The following OSBPL10 variants were observed in gnomAD, a reference collection of about 807,000 sequenced individuals.
OSBPL10 encodes oxysterol binding protein like 10.
A neutral mutation model predicts 81.7 loss-of-function variants in OSBPL10; 49 were observed. The ratio of observed to expected loss-of-function variants is 0.60; its 90% CI spans 0.48 to 0.76. The LOEUF is 0.76. Ranked by LOEUF, OSBPL10 falls within the 30% of genes least tolerant of loss-of-function variation. The pLI, the probability that OSBPL10 is intolerant of heterozygous loss-of-function variation, is 0.00. For synonymous variants in OSBPL10, 419 were observed against 383.6 expected (o/e 1.09, Z -1.08); for missense variants, 923 against 987.8 (o/e 0.93, Z 0.88).
intron 6 of OSBPL10, chr3:31,732,691 C>T (rs1194913776): frequency 6.5e-6 from 1 of 152,804 alleles, no homozygotes. Flanking sequence ...GTCCATGAAG[C>T]CTGTTGGAGC....
chr3:31,683,862 G>T lies in OSBPL10; in HGVS notation c.1498C>A (p.Pro500Thr). 1 of 1,614,222 alleles carries T rather than the reference G, an allele frequency of 6.2e-7. No homozygotes were observed. Among genetic ancestry groups the T allele is most frequent in the African/African-American group, 1.3e-5 (1 of 75,046 alleles). ...SWEVPKDRVK[P>T]KRTASRSPAS... ...GGAGAGCGGGAAGCAGTCCTCTTAG[G>T]CTTGACCCTGTCCTTGGGAACTTCC... Residue 500 changes from proline (P) to threonine (T), a missense_variant, in exon 8 of 12, where the codon CCT (proline) becomes ACT (threonine). Pro to Thr is a conservative substitution (Grantham distance 38). Transcript: ENST00000396556.
chr3:31,747,862 C>T, intron 5 of OSBPL10, 48 bp downstream of exon 5: 1 of 1,550,170 alleles, frequency 6.5e-7, no homozygotes, highest in Non-Finnish European at 8.9e-7. Flanking sequence ...GACACAGACA[C>T]AGTGTGTGTA....
At chr3:31,748,150 AG>A in intron 4 of OSBPL10, 30 bp from the exon 5 acceptor site, 5 of 1,578,504 alleles carry the variant, frequency 3.2e-6, no homozygotes, top group Non-Finnish European at 4.3e-6. Context: ...TAAGGAGGTG[AG>A]GGGCGGAAGT....
chr3:31,972,819 A>G (rs1165414178), intron 1 of OSBPL10, among the ~76,000 whole-genome samples: 1 of 152,228 alleles, frequency 6.6e-6, no homozygotes, highest in Non-Finnish European at 1.5e-5. Context: ...TAAACCACAC[A>G]AAAACATAAA....
At chr3:31,918,969 T>C (rs1222373264) in intron 1 of OSBPL10, among the ~76,000 whole-genome samples, 1 of 152,206 alleles carries the variant, frequency 6.6e-6, no homozygotes, top group Non-Finnish European at 1.5e-5. Context: ...CTTCACAGCA[T>C]GAGGCACTCA....
chr3:31,688,283 T>TCTCTCACACA (rs1246299416), intron 7 of OSBPL10, among the ~76,000 whole-genome samples: 9 of 115,482 alleles, frequency 7.8e-5, no homozygotes, highest in South Asian at 3.3e-4. Context: ...TCTCTCTCTC[T>TCTCTCACACA]CACACACACA....
chr3:32,007,172 T>G (rs1019938594), intron 2 of OSBPL10, among the ~76,000 whole-genome samples: 2 of 152,180 alleles, frequency 1.3e-5, no homozygotes, highest in African/African-American at 4.8e-5. Context: ...ATGATGAAAT[T>G]TTTGTTTTTA....
At chr3:31,669,108 G>A (rs1700265608) in intron 9 of OSBPL10, among the ~76,000 whole-genome samples, 1 of 152,082 alleles carries the variant, frequency 6.6e-6, no homozygotes, top group Non-Finnish European at 1.5e-5. Context: ...AGATATCACT[G>A]GGATGAAAAT....
At chr3:31,854,025 C>T (rs1336207773) in intron 3 of OSBPL10, among the ~76,000 whole-genome samples, 1 of 152,158 alleles carries the variant, frequency 6.6e-6, no homozygotes, top group Non-Finnish European at 1.5e-5. Flanking sequence ...CTGCGCCTGG[C>T]ATTTTGATCA....
intron 9 of OSBPL10, among the ~76,000 whole-genome samples, chr3:31,669,343 AG>A (rs1172348942): frequency 6.6e-6 from 1 of 152,228 alleles, no homozygotes; most frequent in African/African-American, 2.4e-5. Flanking sequence ...TCTCCAAAAT[AG>A]TATCTAATAA....
intron 3 of OSBPL10, among the ~76,000 whole-genome samples, chr3:31,838,334 C>A (rs939344562): frequency 6.6e-6 from 1 of 151,964 alleles, no homozygotes; most frequent in African/African-American, 2.4e-5. Flanking sequence ...CACGGTGAAA[C>A]CCCGTCTTTA....
At chr3:31,790,932 C>T (rs1698993513) in intron 4 of OSBPL10, among the ~76,000 whole-genome samples, 1 of 152,142 alleles carries the variant, frequency 6.6e-6, no homozygotes, top group Non-Finnish European at 1.5e-5. Context: ...TAATGTTCTC[C>T]CCCAAATGTA....
chr3:31,668,976 G>T, intron 9 of OSBPL10, 152 bp from the exon 10 acceptor site: 1 of 602,602 alleles, frequency 1.7e-6, no homozygotes. Flanking sequence ...GCTCTTAAAA[G>T]ATGATCTAAT....
Position 31,729,070 on chromosome 3 carries a change from CTTTGA to C in OSBPL10, c.1095+4182_1095+4186del, listed in dbSNP as rs1191506432. ...AATTAGATTTGGATTAGGGATACTA[CTTTGA>C]TTTGTTAAAACTGAGAACCTTGCAT... On this transcript the variant is annotated intron_variant, in intron 6 of 11. Transcript: ENST00000396556. 1.1e-4 allele frequency among the ~76,000 whole-genome samples: 16 copies of C among 152,314 alleles called. No homozygotes were observed. In the South Asian group the frequency reaches 2.7e-3, roughly 26 times the overall value.
chr3:31,920,937 T>C (rs1185007666), intron 1 of OSBPL10, among the ~76,000 whole-genome samples: 5 of 152,340 alleles, frequency 3.3e-5, no homozygotes, highest in Middle Eastern at 3.4e-3. Context: ...CTATGTTTTA[T>C]GTGTAGCCTG....
At chr3:31,980,095 C>G (rs1361638488) in intron 1 of OSBPL10, among the ~76,000 whole-genome samples, 1 of 151,804 alleles carries the variant, frequency 6.6e-6, no homozygotes, top group East Asian at 1.9e-4. Context: ...ACCTCTGCCT[C>G]CGGGGTTCAA....
rs970913733 is a variant in OSBPL10, at chr3:31,867,535, A to G, written c.537+8898T>C. The stretch of plus-strand genomic sequence containing the variant: ...GGAGGGTGGATCACTTGAGGTCGGA[A>G]GTTTGAGACTAGCCTGGCCAACATG... On this transcript the variant is annotated intron_variant, in intron 3 of 11. Coordinates refer to ENST00000396556, the MANE Select transcript of OSBPL10 (RefSeq NM_017784.5). Among the ~76,000 whole-genome samples the G allele has an allele frequency of 4.6e-5, 7 of 152,136 alleles. 1 individual carries two copies. The highest frequency in any genetic ancestry group is 1.7e-4 in the African/African-American group (7 of 41,428).
chr3:31,760,534 T>C (rs907376366), intron 4 of OSBPL10, among the ~76,000 whole-genome samples: 4 of 152,244 alleles, frequency 2.6e-5, no homozygotes, highest in Non-Finnish European at 5.9e-5. Context: ...TATTATACTT[T>C]ATTCTTCATG....
intron 6 of OSBPL10, among the ~76,000 whole-genome samples, chr3:31,713,358 C>A (rs572694112): frequency 6.6e-6 from 1 of 151,894 alleles, no homozygotes; most frequent in South Asian, 2.1e-4. Context: ...ATCCATATCC[C>A]CCTCACTTCA....
Sources: allele counts gnomAD v4.1 joint callset (sites outside exome capture counted in the v4.1 genomes callset), GRCh38; gene constraint gnomAD v4.1.1; transcripts MANE v1.5; gene names NCBI Gene and HGNC (gene_info 2026-07-23, HGNC 2026-07-21).